Variants in SNX29 observed in about 807,000 individuals in gnomAD.
The protein encoded by SNX29 is sorting nexin 29.
Under a neutral mutation model 102.1 loss-of-function variants are expected in SNX29, and 78 were observed. The ratio of observed to expected loss-of-function variants is 0.76; its 90% CI spans 0.64 to 0.92. The LOEUF is 0.92. Ranked by LOEUF, SNX29 falls within the 40% of genes least tolerant of loss-of-function variation. The pLI is 0.00. For synonymous variants in SNX29, 580 were observed against 414.5 expected (o/e 1.40, Z -4.85); for missense variants, 1,280 against 1,061.7 (o/e 1.21, Z -2.86).
intron 14 of SNX29, among the ~76,000 whole-genome samples, chr16:12,219,067 C>T (rs2077405019): frequency 6.6e-6 from 1 of 152,164 alleles, no homozygotes; most frequent in Non-Finnish European, 1.5e-5. Flanking sequence ...AGCCACCGCG[C>T]CTGGCCCTGT....
At chr16:12,259,453 A>T (rs1261730767) in intron 14 of SNX29, among the ~76,000 whole-genome samples, 1 of 151,862 alleles carries the variant, frequency 6.6e-6, no homozygotes, top group Non-Finnish European at 1.5e-5. Context: ...GGTGAGGGGG[A>T]TGCTGGGATG....
intron 11 of SNX29, among the ~76,000 whole-genome samples, chr16:12,090,769 G>A (rs1174661585): frequency 6.6e-6 from 1 of 152,076 alleles, no homozygotes; most frequent in African/African-American, 2.4e-5. Flanking sequence ...CCAGCACTTT[G>A]GGAGGCTGAA....
chr16:12,122,827 TA>T (rs1205815204), intron 11 of SNX29, among the ~76,000 whole-genome samples: 5 of 152,002 alleles, frequency 3.3e-5, no homozygotes, highest in African/African-American at 9.7e-5. Context: ...ATTAATAATT[TA>T]AAAAAAATTT....
At chr16:12,108,019 A>G (rs959400200) in intron 11 of SNX29, among the ~76,000 whole-genome samples, 1 of 152,168 alleles carries the variant, frequency 6.6e-6, no homozygotes, top group Non-Finnish European at 1.5e-5. Flanking sequence ...TGCTAGAAAA[A>G]TAAGGAGGGG....
intron 20 of SNX29, among the ~76,000 whole-genome samples, chr16:12,544,065 G>A (rs2077471658): frequency 6.6e-6 from 1 of 152,186 alleles, no homozygotes; most frequent in Admixed American, 6.5e-5. Context: ...GAATCACATT[G>A]GTAGGGGTAG....
intron 20 of SNX29, chr16:12,561,208 C>T (rs556352517): frequency 5.2e-5 from 12 of 230,752 alleles, no homozygotes; most frequent in African/African-American, 1.3e-4. Flanking sequence ...TCAGGACCCC[C>T]GCAGCCATGC....
chr16:12,146,411 A>G (rs760837335), intron 13 of SNX29, among the ~76,000 whole-genome samples: 2 of 152,102 alleles, frequency 1.3e-5, no homozygotes, highest in East Asian at 3.9e-4. Flanking sequence ...GATTATAGGC[A>G]CGCACCATCA....
intron 15 of SNX29, among the ~76,000 whole-genome samples, chr16:12,288,716 C>G (rs1200044821): frequency 6.6e-6 from 1 of 150,708 alleles, no homozygotes; most frequent in Non-Finnish European, 1.5e-5. Flanking sequence ...AAGGTAATAG[C>G]AGTTAGTGCA....
intron 19 of SNX29, among the ~76,000 whole-genome samples, chr16:12,514,497 C>G (rs112547197): frequency 6.6e-6 from 1 of 152,126 alleles, no homozygotes; most frequent in African/African-American, 2.4e-5. Flanking sequence ...TTGTTTCTAC[C>G]CCCCAACTAA....
chr16:12,192,354 A>G (rs2076663724), intron 13 of SNX29, among the ~76,000 whole-genome samples: 1 of 152,170 alleles, frequency 6.6e-6, no homozygotes, highest in African/African-American at 2.4e-5. Context: ...CTCCATGTGC[A>G]CGGCTACCTC....
At chr16:12,363,475 C>T (rs1597081231) in intron 16 of SNX29, among the ~76,000 whole-genome samples, 1 of 152,148 alleles carries the variant, frequency 6.6e-6, no homozygotes, top group Non-Finnish European at 1.5e-5. Context: ...ACCCAAATCT[C>T]CTCTTCTATC....
intron 11 of SNX29, among the ~76,000 whole-genome samples, chr16:12,125,031 G>A (rs987768603): frequency 2.6e-5 from 4 of 152,292 alleles, no homozygotes; most frequent in African/African-American, 9.6e-5. Flanking sequence ...GCGGCTCAGG[G>A]GAGAGGAGAG....
At chr16:12,128,452 CTTTTTTTT>C in intron 12 of SNX29, among the ~76,000 whole-genome samples, 1 of 128,276 alleles carries the variant, frequency 7.8e-6, no homozygotes, top group East Asian at 2.4e-4. Flanking sequence ...TGATTATATT[CTTTTTTTT>C]TTTTTTTTTT....
At chr16:12,060,210 A>T (rs1330898650) in intron 8 of SNX29, among the ~76,000 whole-genome samples, 2 of 152,220 alleles carry the variant, frequency 1.3e-5, no homozygotes, top group Admixed American at 6.5e-5. Flanking sequence ...TAGCATTTGG[A>T]TTGTATTAGG....
chr16:12,203,584 C>T (rs12922978), intron 14 of SNX29, among the ~76,000 whole-genome samples: 1 of 151,062 alleles, frequency 6.6e-6, no homozygotes, highest in Non-Finnish European at 1.5e-5. Flanking sequence ...TGTGGCCTTG[C>T]TGTCAGGTGG....
chr16:12,144,451 A>T (rs2054977561), intron 13 of SNX29, among the ~76,000 whole-genome samples: 1 of 152,206 alleles, frequency 6.6e-6, no homozygotes, highest in Non-Finnish European at 1.5e-5. Flanking sequence ...AGGTGGTACC[A>T]CCTGAGAGGT....
At chr16:12,353,692 C>T (rs2082055813) in intron 15 of SNX29, among the ~76,000 whole-genome samples, 1 of 152,182 alleles carries the variant, frequency 6.6e-6, no homozygotes, top group Non-Finnish European at 1.5e-5. Flanking sequence ...TCTTATTGCT[C>T]AACATGTTTA....
intron 3 of SNX29, among the ~76,000 whole-genome samples, chr16:12,013,686 C>CCAG (rs577984473): frequency 1.6e-3 from 235 of 149,930 alleles, no homozygotes; most frequent in Non-Finnish European, 2.9e-3. Context: ...GCTGTGTTGC[C>CCAG]CAGCCTGGAG....
At chr16:12,339,006 T>A (rs2081534637) in intron 15 of SNX29, among the ~76,000 whole-genome samples, 1 of 150,134 alleles carries the variant, frequency 6.7e-6, no homozygotes, top group Non-Finnish European at 1.5e-5. Flanking sequence ...CGTCATGGGC[T>A]GTCCTAGGAC....
Sources: gnomAD v4.1 joint callset for allele counts (sites outside exome capture counted in the v4.1 genomes callset) on GRCh38, gnomAD v4.1.1 for gene constraint, MANE v1.5 for transcripts, NCBI Gene and HGNC (gene_info 2026-07-23, HGNC 2026-07-21) for gene names.